The following CNTNAP2 variants were observed in gnomAD, a reference collection of about 807,000 sequenced individuals.
The protein encoded by CNTNAP2 is contactin-associated protein-like 2.
In CNTNAP2, 98 loss-of-function variants were observed where a neutral mutation model predicts 155.2. The ratio of observed to expected loss-of-function variants is 0.63; its 90% CI spans 0.54 to 0.75. CNTNAP2 has a LOEUF of 0.75. Ranked by LOEUF, CNTNAP2 falls within the 30% of genes least tolerant of loss-of-function variation. The pLI, the probability that CNTNAP2 is intolerant of heterozygous loss-of-function variation, is 0.00. For synonymous variants in CNTNAP2, 651 were observed against 631.2 expected (o/e 1.03, Z -0.47); for missense variants, 1,727 against 1,688.1 (o/e 1.02, Z -0.40).
chr7:146,559,910 C>T (rs1309001738), intron 1 of CNTNAP2, among the ~76,000 whole-genome samples: 2 of 152,174 alleles, frequency 1.3e-5, no homozygotes, highest in Non-Finnish European at 2.9e-5. Flanking sequence ...CTCCTTCCTA[C>T]ACACCCACAC....
At position 147,801,290 on chromosome 7, in the gene CNTNAP2, CTT is replaced by C. The variant is rs1797977795; in HGVS notation, c.2099-102273_2099-102272del. ...TATGCATGTTAAATAGGTATGTAGT[CTT>C]TGGCAACTTCTATGAAGTTTTTTTT... On this transcript the variant is annotated intron_variant, in intron 13 of 23. Transcript: ENST00000361727. 5.4e-5 allele frequency among the ~76,000 whole-genome samples: 7 copies of C among 128,570 alleles called. No individual in the cohort carries two copies. The South Asian group carries it at 1.8e-3, about 34-fold the overall frequency. 84.3% of individuals were successfully genotyped at this position (128,570 alleles called of 152,430 possible).
intron 1 of CNTNAP2, among the ~76,000 whole-genome samples, chr7:146,370,458 A>G (rs1331205943): frequency 6.6e-6 from 1 of 151,788 alleles, no homozygotes; most frequent in Non-Finnish European, 1.5e-5. Flanking sequence ...AAAAGGAAAA[A>G]AAAAACATTT....
At chr7:147,140,668 A>T (rs1801573817) in intron 8 of CNTNAP2, among the ~76,000 whole-genome samples, 1 of 152,060 alleles carries the variant, frequency 6.6e-6, no homozygotes, top group Admixed American at 6.6e-5. Flanking sequence ...GCAGAAAACT[A>T]GTAAAGTTCA....
intron 1 of CNTNAP2, among the ~76,000 whole-genome samples, chr7:146,240,167 C>T (rs1170572027): frequency 6.6e-6 from 1 of 152,144 alleles, no homozygotes; most frequent in Non-Finnish European, 1.5e-5. Context: ...TTCCATGAAG[C>T]TCCTGCCTAA....
At chr7:146,528,723 CAT>C (rs1797726200) in intron 1 of CNTNAP2, among the ~76,000 whole-genome samples, 1 of 151,998 alleles carries the variant, frequency 6.6e-6, no homozygotes, top group Admixed American at 6.6e-5. Flanking sequence ...AGACTGGCCA[CAT>C]AGTCATCAAT....
intron 13 of CNTNAP2, among the ~76,000 whole-genome samples, chr7:147,783,786 AAAGACACAGC>A (rs1797691942): frequency 6.6e-6 from 1 of 152,140 alleles, no homozygotes; most frequent in Admixed American, 6.5e-5. Flanking sequence ...TTTGCCATGA[AAAGACACAGC>A]AAGAAGGCTG....
chr7:146,277,518 C>T (rs969937028), intron 1 of CNTNAP2, among the ~76,000 whole-genome samples: 5 of 152,042 alleles, frequency 3.3e-5, no homozygotes, highest in African/African-American at 4.8e-5. Context: ...AGAGCAGCCA[C>T]GTCACTTCTC....
At chr7:147,140,146 G>A (rs1469949217) in intron 8 of CNTNAP2, among the ~76,000 whole-genome samples, 12 of 151,848 alleles carry the variant, frequency 7.9e-5, no homozygotes, top group African/African-American at 1.7e-4. Flanking sequence ...TTACTGTAGC[G>A]CTTGGTAGAC....
intron 8 of CNTNAP2, among the ~76,000 whole-genome samples, chr7:147,141,200 A>G (rs1801587794): frequency 6.6e-6 from 1 of 152,108 alleles, no homozygotes; most frequent in Non-Finnish European, 1.5e-5. Flanking sequence ...TTTGCCTTTT[A>G]TCTTTTCCTG....
At chr7:146,493,879 C>T (rs1411817382) in intron 1 of CNTNAP2, among the ~76,000 whole-genome samples, 1 of 152,002 alleles carries the variant, frequency 6.6e-6, no homozygotes, top group Non-Finnish European at 1.5e-5. Context: ...AAGAAAAATG[C>T]TTTGTATGAG....
intron 1 of CNTNAP2, among the ~76,000 whole-genome samples, chr7:146,697,575 AG>A (rs1338429555): frequency 6.6e-6 from 1 of 152,044 alleles, no homozygotes; most frequent in Non-Finnish European, 1.5e-5. Flanking sequence ...CTTACTCACA[AG>A]TCTGCTTTGT....
intron 1 of CNTNAP2, among the ~76,000 whole-genome samples, chr7:146,636,252 CAT>C (rs944649632): frequency 1.3e-5 from 2 of 152,070 alleles, no homozygotes; most frequent in Non-Finnish European, 2.9e-5. Flanking sequence ...GATTACCAAA[CAT>C]ATGCATTTGT....
chr7:147,155,428 TG>T (rs1409812114), intron 8 of CNTNAP2, among the ~76,000 whole-genome samples: 3 of 152,108 alleles, frequency 2.0e-5, no homozygotes, highest in African/African-American at 7.2e-5. Flanking sequence ...GCATAGTTAC[TG>T]AAGGAACAAA....
intron 8 of CNTNAP2, among the ~76,000 whole-genome samples, chr7:147,283,929 C>T (rs1805113077): frequency 6.6e-6 from 1 of 151,668 alleles, no homozygotes; most frequent in East Asian, 1.9e-4. Context: ...TATGACGTTA[C>T]CAGGACTTCC....
In CNTNAP2 at chr7:146,730,285, A is replaced by T. The variant is rs1024556770; in HGVS notation, c.98-43986A>T. Among the ~76,000 whole-genome samples the T allele has an allele frequency of 2.0e-5, 3 of 152,184 alleles. No homozygotes were observed. The East Asian group carries it at 5.8e-4, about 29-fold the overall frequency. The stretch of plus-strand genomic sequence containing the variant: ...ATAAAAATTATTGGTTCTGAAACTA[A>T]TTTTGACATTTAATATCACATTAAC... On this transcript the variant is annotated intron_variant, in intron 1 of 23. Coordinates refer to ENST00000361727, the MANE Select transcript of CNTNAP2 (RefSeq NM_014141.6).
At chr7:146,728,243 G>T (rs773310041) in intron 1 of CNTNAP2, among the ~76,000 whole-genome samples, 1 of 151,982 alleles carries the variant, frequency 6.6e-6, no homozygotes, top group Non-Finnish European at 1.5e-5. Flanking sequence ...ATAATAATAG[G>T]GGTCTGAAGA....
chr7:146,213,976 C>T (rs757672659), intron 1 of CNTNAP2, among the ~76,000 whole-genome samples: 3 of 152,102 alleles, frequency 2.0e-5, no homozygotes, highest in African/African-American at 2.4e-5. Flanking sequence ...CTTTAGGCTT[C>T]GGTTTCCTCA....
chr7:147,185,999 G>A (rs1563107612), intron 8 of CNTNAP2, among the ~76,000 whole-genome samples: 2 of 152,168 alleles, frequency 1.3e-5, no homozygotes, highest in South Asian at 2.1e-4. Flanking sequence ...ACGTGGAACT[G>A]TGAGTCCATC....
chr7:148,114,690 A>G (rs1332209916), intron 15 of CNTNAP2, among the ~76,000 whole-genome samples: 3 of 152,196 alleles, frequency 2.0e-5, no homozygotes, highest in Non-Finnish European at 4.4e-5. Flanking sequence ...TCCATGATTT[A>G]TTATTTGTAC....
Sources: gnomAD v4.1 joint callset for allele counts (sites outside exome capture counted in the v4.1 genomes callset) on GRCh38, gnomAD v4.1.1 for gene constraint, MANE v1.5 for transcripts, NCBI Gene and HGNC (gene_info 2026-07-23, HGNC 2026-07-21) for gene names.